The following LAYN variants were observed in gnomAD, a reference collection of about 807,000 sequenced individuals.
LAYN encodes layilin.
A neutral mutation model predicts 43.6 loss-of-function variants in LAYN; 38 were observed. The ratio of observed to expected loss-of-function variants is 0.87; its 90% CI spans 0.67 to 1.14. LAYN has a LOEUF of 1.14. Ranked by LOEUF, LAYN falls within the 50% of genes most tolerant of loss-of-function variation. The pLI is 0.00. For synonymous variants in LAYN, 168 were observed against 172.9 expected, an observed-to-expected ratio of 0.97 and a Z score of 0.22; for missense variants, 479 against 463.8, an observed-to-expected ratio of 1.03 and a Z score of -0.30.
intron 3 of LAYN, among the ~76,000 whole-genome samples, chr11:111,554,148 T>G (rs1267412733): frequency 6.6e-6 from 1 of 152,154 alleles, no homozygotes; most frequent in Non-Finnish European, 1.5e-5. Context: ...AAAAAATGTC[T>G]TAGACTGCTT....
chr11:111,552,624 C>G (rs921306885), intron 3 of LAYN, among the ~76,000 whole-genome samples: 5 of 152,208 alleles, frequency 3.3e-5, no homozygotes, highest in African/African-American at 1.2e-4. Flanking sequence ...AACACAGATG[C>G]ACGTGCAGGG....
chr11:111,558,036 T>C (rs1246421095), intron 6 of LAYN, among the ~76,000 whole-genome samples: 1 of 152,170 alleles, frequency 6.6e-6, no homozygotes, highest in Non-Finnish European at 1.5e-5. Flanking sequence ...CTGCAAAGTA[T>C]TCTGGTAAAC....
chr11:111,547,581 C>T (rs1867670394), intron 2 of LAYN, among the ~76,000 whole-genome samples: 1 of 152,230 alleles, frequency 6.6e-6, no homozygotes, highest in Admixed American at 6.5e-5. Context: ...GATCTGCATA[C>T]TAGGTACCCA....
chr11:111,542,105 T>C (rs547617097), intron 1 of LAYN, among the ~76,000 whole-genome samples: 2 of 152,338 alleles, frequency 1.3e-5, no homozygotes, highest in African/African-American at 4.8e-5. Context: ...CTCCAGCTTA[T>C]GTTATGCCGG....
intron 1 of LAYN, chr11:111,541,683 G>T (rs117612864): frequency 5.5e-6 from 6 of 1,100,858 alleles, no homozygotes; most frequent in Admixed American, 4.0e-5. Flanking sequence ...GGTGCCAACA[G>T]CTTGACCAAA....
At chr11:111,554,727 A>C in intron 4 of LAYN, 134 bp downstream of exon 4, 1 of 728,648 alleles carries the variant, frequency 1.4e-6, no homozygotes, top group Non-Finnish European at 2.3e-6. Context: ...CATTTGGGAC[A>C]GGTATACACC....
chr11:111,553,513 G>A (rs1404323617), intron 3 of LAYN, among the ~76,000 whole-genome samples: 1 of 151,698 alleles, frequency 6.6e-6, no homozygotes, highest in African/African-American at 2.4e-5. Context: ...CAGCTACTTC[G>A]GAGGCTGAGG....
In LAYN at chr11:111,540,859, G is replaced by A. The variant is rs1468317133; in HGVS notation, c.16G>A (p.Ala6Thr). The part of the protein sequence containing the change: MRPGT[A>T]LQAVLLAVLL... ...GAGTCGGGCCATGAGGCCGGGAACC[G>A]CGCTACAGGCCGTGCTGCTGGCCGT... The change falls in exon 1 of 7, where the codon GCG becomes ACG. Residue 6 changes from alanine (A) to threonine (T), a missense_variant. Coordinates refer to ENST00000375614, the MANE Select transcript of LAYN (RefSeq NM_178834.5). 3.9e-6 allele frequency: 6 copies of A among 1,531,026 alleles called. No individual in the cohort carries two copies. The highest frequency in any genetic ancestry group is 2.4e-5 in the South Asian group (2 of 83,680). The allele number at this position is 1,531,026 out of a possible 1,614,324, so 94.8% of individuals were successfully genotyped here. A position where few individuals can be genotyped will look rare whatever the true frequency, so the allele number is the denominator to read the frequency against.
In LAYN at chr11:111,551,504, A is replaced by G. The variant is rs1259420181; in HGVS notation, c.541+1729A>G. 3.1e-5 allele frequency: 14 copies of G among 447,490 alleles called. No homozygotes were observed. In the Admixed American group the frequency reaches 3.3e-4, roughly 11 times the overall value. 27.7% of individuals were successfully genotyped at this position (447,490 alleles called of 1,614,324 possible). ...TGGCCACCCATGCCCAGAATAGTTTACACACCTTAGCATGCCAGAAGAGGA... is the reference window on the plus strand; with the variant it reads ...TGGCCACCCATGCCCAGAATAGTTTGCACACCTTAGCATGCCAGAAGAGGA... On this transcript the variant is annotated intron_variant, in intron 3 of 6. Transcript: ENST00000375614.
upstream of LAYN, chr11:111,540,712 C>T (rs556096663): frequency 4.8e-5 from 41 of 849,230 alleles, no homozygotes; most frequent in Admixed American, 1.4e-4. Context: ...CCCTCCCCCC[C>T]GCCTCCCGTG....
upstream of LAYN, chr11:111,540,670 A>T: frequency 1.7e-6 from 1 of 572,462 alleles, no homozygotes; most frequent in Non-Finnish European, 2.9e-6. Flanking sequence ...GTGACGTCCC[A>T]GGGGGCGGAG....
At chr11:111,559,305 T>C (rs1867903172) in intron 6 of LAYN, among the ~76,000 whole-genome samples, 1 of 152,212 alleles carries the variant, frequency 6.6e-6, no homozygotes, top group Admixed American at 6.5e-5. Flanking sequence ...AACTGTGATA[T>C]GAAAACATCT....
chr11:111,545,855 A>G (rs539444196), intron 2 of LAYN, among the ~76,000 whole-genome samples: 2 of 152,296 alleles, frequency 1.3e-5, no homozygotes, highest in East Asian at 3.9e-4. Flanking sequence ...AGGGCACGTG[A>G]GTTATTGCCT....
At chr11:111,547,351 C>G (rs1444811291) in intron 2 of LAYN, among the ~76,000 whole-genome samples, 1 of 152,204 alleles carries the variant, frequency 6.6e-6, no homozygotes, top group Admixed American at 6.5e-5. Flanking sequence ...CCACTTCTTG[C>G]TCATCTGTTC....
At chr11:111,553,507 T>C (rs533732592) in intron 3 of LAYN, among the ~76,000 whole-genome samples, 1 of 151,628 alleles carries the variant, frequency 6.6e-6, no homozygotes, top group East Asian at 1.9e-4. Context: ...TAATCCCAGC[T>C]ACTTCGGAGG....
In LAYN at chr11:111,541,942, G is replaced by T. The variant is rs560270368; in HGVS notation, c.85+1014G>T. ...TCCTGAAGGCAGGAGAACCAGATAG[G>T]CCCGCGGGCCTCCTTCCAGCTCTGA... is the stretch of plus-strand genomic sequence containing the variant. On this transcript the variant is annotated intron_variant, in intron 1 of 6. Transcript: ENST00000375614. Among the ~76,000 whole-genome samples, 7 of 152,228 alleles carry T rather than the reference G, an allele frequency of 4.6e-5. No homozygotes were observed. The South Asian group carries it at 8.3e-4, about 18-fold the overall frequency.
At chr11:111,560,072 G>T (rs1421067423) in intron 6 of LAYN, 23 bp from the exon 7 acceptor site, 2 of 1,583,594 alleles carry the variant, frequency 1.3e-6, no homozygotes, top group South Asian at 1.2e-5. Context: ...AAAACACTCA[G>T]CCCTGGTTTT....
chr11:111,551,252 A>T (rs570922537), intron 3 of LAYN: 2 of 442,718 alleles, frequency 4.5e-6, no homozygotes, highest in East Asian at 7.0e-5. Flanking sequence ...CTGACGTGGG[A>T]TGGGGGCATG....
chr11:111,540,977 C>T (rs1867524944), intron 1 of LAYN, 49 bp downstream of exon 1: 1 of 1,487,912 alleles, frequency 6.7e-7, no homozygotes, highest in Admixed American at 2.0e-5. Flanking sequence ...GGGCTCACTG[C>T]ACCCCAGCTG....
Sources: gnomAD v4.1 joint callset for allele counts (sites outside exome capture counted in the v4.1 genomes callset) on GRCh38, gnomAD v4.1.1 for gene constraint, MANE v1.5 for transcripts, NCBI Gene and HGNC (gene_info 2026-07-23, HGNC 2026-07-21) for gene names.